IFT140: variants seen among roughly 807,000 people sequenced by gnomAD.
IFT140 encodes the protein intraflagellar transport protein 140 homolog.
In IFT140, 133 loss-of-function variants were observed where a neutral mutation model predicts 164.6. The observed-to-expected ratio is 0.81, with a 90% confidence interval of 0.70 to 0.93. The LOEUF (loss-of-function observed/expected upper bound fraction) is 0.93. IFT140 is among the 40% of genes least tolerant of loss of function. IFT140 has a pLI of 0.00. For synonymous variants in IFT140, 860 were observed against 817.3 expected (o/e 1.05, Z -0.89); for missense variants, 2,045 against 1,972.3 (o/e 1.04, Z -0.70).
chr16:1,537,853 G>T (rs181483443), intron 19 of IFT140, among the ~76,000 whole-genome samples: 3 of 152,194 alleles, frequency 2.0e-5, no homozygotes, highest in Admixed American at 6.5e-5. Flanking sequence ...GTGGCTCCAC[G>T]TGGCTCCGTC....
At chr16:1,552,015 C>T (rs1297577361) in intron 19 of IFT140, among the ~76,000 whole-genome samples, 1 of 152,162 alleles carries the variant, frequency 6.6e-6, no homozygotes, top group East Asian at 1.9e-4. Context: ...GGAAACTGAC[C>T]CCCACGGCAA....
At chr16:1,600,605 T>C (rs916087527) in intron 4 of IFT140, among the ~76,000 whole-genome samples, 2 of 152,110 alleles carry the variant, frequency 1.3e-5, no homozygotes, top group African/African-American at 2.4e-5. Context: ...AACATTCATA[T>C]AAAGAAGAGC....
Position 1,607,033 on chromosome 16 carries a change from CAT to C in IFT140, c.147+85_147+86del, listed in dbSNP as rs34935994. 0.068 allele frequency: 91,801 copies of C among 1,341,934 alleles called. 3,426 individuals carry two copies. Among genetic ancestry groups the C allele is most frequent in the African/African-American group, 0.13 (9,211 of 69,452 alleles). 83.1% of individuals were successfully genotyped at this position (1,341,934 alleles called of 1,614,324 possible). A position where few individuals can be genotyped will look rare whatever the true frequency, so the allele number is the denominator to read the frequency against. On this transcript the variant is annotated intron_variant, in intron 3 of 30. Coordinates refer to ENST00000426508, the MANE Select transcript of IFT140 (RefSeq NM_014714.4). ...ACACACACCCATAGGCACACACACA[CAT>C]GTGCACACACACAAGGACAACAGCA...
chr16:1,585,313 C>T (rs2034810052), intron 10 of IFT140, among the ~76,000 whole-genome samples: 2 of 152,126 alleles, frequency 1.3e-5, no homozygotes, highest in African/African-American at 2.4e-5. Flanking sequence ...AGCAGCCGGG[C>T]ACAAAAGACC....
chr16:1,555,098 C>T, intron 19 of IFT140: 1 of 1,526,748 alleles, frequency 6.5e-7, no homozygotes, highest in East Asian at 2.3e-5. Context: ...GGGACTCCAC[C>T]ACCAAGTCAC....
intron 5 of IFT140, 38 bp from the exon 6 acceptor site, chr16:1,592,356 C>G: frequency 6.2e-7 from 1 of 1,613,652 alleles, no homozygotes; most frequent in Admixed American, 1.7e-5. Flanking sequence ...ATTCTTCTGC[C>G]ACTCCTACAG....
intron 30 of IFT140, 112 bp from the exon 31 acceptor site, chr16:1,511,262 C>A: frequency 1.1e-6 from 1 of 937,422 alleles, no homozygotes; most frequent in Admixed American, 2.0e-5. Flanking sequence ...GGTGCCTCCG[C>A]GCTGGAGGAC....
chr16:1,568,261 G>A lies in IFT140; in HGVS notation c.1726C>T (p.Arg576Trp), dbSNP rs757678246. 2.9e-5 allele frequency: 47 copies of A among 1,612,334 alleles called. No homozygotes were observed. Among genetic ancestry groups the A allele is most frequent in the East Asian group, 1.1e-4 (5 of 44,844 alleles). Residue 576 changes from arginine to tryptophan, a missense_variant, in exon 15 of 31, where the codon CGG (arginine) becomes TGG (tryptophan). Arg to Trp is a moderately radical substitution (Grantham distance 101). Coordinates refer to ENST00000426508, the MANE Select transcript of IFT140 (RefSeq NM_014714.4). ...VPGVGGIASL[R>W]CSSSGSTISI... ...ATGGTGCTCCCGCTGCTGCTGCACCGCAGAGAAGCGATGCCCCCCACCCCA... is the reference window on the plus strand; with the variant it reads ...ATGGTGCTCCCGCTGCTGCTGCACCACAGAGAAGCGATGCCCCCCACCCCA...
At position 1,562,099 on chromosome 16, in the gene IFT140, C is replaced by G. The variant is rs775365155; in HGVS notation, c.2085G>C (p.Leu695=). 1.2e-6 allele frequency: 2 copies of G among 1,607,374 alleles called. No individual in the cohort carries two copies. Among genetic ancestry groups the G allele is most frequent in the Non-Finnish European group, 1.7e-6 (2 of 1,177,162 alleles). The change falls in exon 18 of 31, where the codon CTG becomes CTC. Residue 695 remains leucine, a synonymous_variant. Transcript: ENST00000426508. Reference sequence around the variant, plus strand: ...CGTGCTCTTCGGAAATGAAGAAGGACAGGATCAAAACATCTGCCTGGGAGA... The same window carrying G: ...CGTGCTCTTCGGAAATGAAGAAGGAGAGGATCAAAACATCTGCCTGGGAGA... The part of the protein sequence containing the change: ...RAGPAADVLI[L]SFFISEEHGF...
chr16:1,562,290 T>C (rs2033457968), intron 17 of IFT140, among the ~76,000 whole-genome samples, 174 bp from the exon 18 acceptor site: 1 of 151,928 alleles, frequency 6.6e-6, no homozygotes, highest in Admixed American at 6.6e-5. Flanking sequence ...TCTGCTCCAC[T>C]TGGGAAAAAC....
chr16:1,589,345 G>T (rs537210489), intron 7 of IFT140, among the ~76,000 whole-genome samples: 11 of 152,142 alleles, frequency 7.2e-5, no homozygotes, highest in Non-Finnish European at 1.5e-4. Context: ...GTGCAGCTTG[G>T]GGGTGGGCCC....
At chr16:1,595,633 G>A (rs960395598) in intron 4 of IFT140, among the ~76,000 whole-genome samples, 1 of 148,892 alleles carries the variant, frequency 6.7e-6, no homozygotes, top group African/African-American at 2.5e-5. Flanking sequence ...ACTTACACAA[G>A]GAACCTCTAA....
At chr16:1,544,789 C>T (rs1464907625) in intron 19 of IFT140, among the ~76,000 whole-genome samples, 1 of 151,512 alleles carries the variant, frequency 6.6e-6, no homozygotes, top group Non-Finnish European at 1.5e-5. Context: ...GCTGGGACTA[C>T]AGGCACCCGC....
chr16:1,558,784 G>A (rs1047232764), intron 18 of IFT140, among the ~76,000 whole-genome samples: 2 of 152,210 alleles, frequency 1.3e-5, no homozygotes, highest in East Asian at 1.9e-4. Context: ...GAGAGCACAC[G>A]CACTCCCCCG....
chr16:1,600,749 A>G (rs1260887331), intron 4 of IFT140, among the ~76,000 whole-genome samples: 3 of 152,166 alleles, frequency 2.0e-5, no homozygotes, highest in Admixed American at 2.0e-4. Flanking sequence ...GAATGAGGAA[A>G]TCAGGAGACA....
chr16:1,595,260 G>A (rs1035727233), intron 4 of IFT140, among the ~76,000 whole-genome samples: 1 of 151,972 alleles, frequency 6.6e-6, no homozygotes, highest in Non-Finnish European at 1.5e-5. Flanking sequence ...ACTCCAGCCT[G>A]GGTGACAGAG....
rs1463485727 is a variant in IFT140, at chr16:1,551,807, C to G, written c.2399+6128G>C. Reference sequence around the variant, plus strand: ...TCCGGCAAGATCAACTCTGCGGGACCTCCCACCCGGGCTGGTTGCCCTGTG... The same window carrying G: ...TCCGGCAAGATCAACTCTGCGGGACGTCCCACCCGGGCTGGTTGCCCTGTG... On this transcript the variant is annotated intron_variant, in intron 19 of 30. Coordinates refer to ENST00000426508, the MANE Select transcript of IFT140 (RefSeq NM_014714.4). The surrounding 1 kb of genome is among the most constrained non-coding windows in gnomAD (Gnocchi z 4.0). 6.6e-6 allele frequency among the ~76,000 whole-genome samples: 1 copy of G among 152,176 alleles called. No homozygotes were observed. Among genetic ancestry groups the G allele is most frequent in the African/African-American group, 2.4e-5 (1 of 41,432 alleles).
At chr16:1,592,636 G>A (rs376997918) in intron 4 of IFT140, 48 bp from the exon 5 acceptor site, 16 of 1,578,176 alleles carry the variant, frequency 1.0e-5, no homozygotes, top group East Asian at 2.3e-5. Context: ...CCGGCAGAGC[G>A]ACTGGTGGAG....
rs1596354033 is a variant in IFT140 at position 1,553,699 on chromosome 16, C to T, written c.2399+4236G>A. On this transcript the variant is annotated intron_variant, in intron 19 of 30. Coordinates refer to ENST00000426508, the MANE Select transcript of IFT140 (RefSeq NM_014714.4). The surrounding 1 kb of genome is among the most constrained non-coding windows in gnomAD (Gnocchi z 4.4). ...CTGGGGCTGAAGGCTGGCTGGAGGC[C>T]CCATGGCCTCCAGGACAATCTGTGG... 5 of 1,076,170 alleles carry T rather than the reference C, an allele frequency of 4.6e-6. No homozygotes were observed. Among genetic ancestry groups the T allele is most frequent in the Non-Finnish European group, 4.5e-6 (4 of 880,624 alleles). 66.7% of individuals were successfully genotyped at this position (1,076,170 alleles called of 1,614,324 possible).
Sources: gnomAD v4.1 joint callset for allele counts (sites outside exome capture counted in the v4.1 genomes callset) on GRCh38, gnomAD v4.1.1 for gene constraint, Gnocchi (gnomAD v3.1) non-coding constraint, MANE v1.5 for transcripts, NCBI Gene and HGNC (gene_info 2026-07-23, HGNC 2026-07-21) for gene names.